Variants in FMNL2 observed in about 807,000 individuals in gnomAD.
FMNL2 encodes formin-like protein 2.
A neutral mutation model predicts 130.2 loss-of-function variants in FMNL2; 51 were observed. The ratio of observed to expected loss-of-function variants is 0.39; its 90% CI spans 0.31 to 0.49. The LOEUF is 0.49. FMNL2 is among the 20% of genes least tolerant of loss of function. FMNL2 has a pLI of 0.85. For synonymous variants in FMNL2, 465 were observed against 467.1 expected (o/e 1.00, Z 0.06); for missense variants, 977 against 1,316.2 (o/e 0.74, Z 3.99).
intron 11 of FMNL2, among the ~76,000 whole-genome samples, chr2:152,613,292 A>C (rs191852742): frequency 6.6e-6 from 1 of 152,274 alleles, no homozygotes; most frequent in East Asian, 1.9e-4. Flanking sequence ...TGGATGTATA[A>C]ATTCCTAGCG....
intron 1 of FMNL2, among the ~76,000 whole-genome samples, chr2:152,391,821 T>C (rs1030879335): frequency 2.8e-4 from 30 of 106,586 alleles, no homozygotes; most frequent in African/African-American, 8.4e-4. Flanking sequence ...TATATGTTCT[T>C]AATGAAATAA....
chr2:152,344,632 A>G (rs1162749157), intron 1 of FMNL2, among the ~76,000 whole-genome samples: 1 of 152,212 alleles, frequency 6.6e-6, no homozygotes, highest in Non-Finnish European at 1.5e-5. Flanking sequence ...TTCTATACAT[A>G]TGGTGTAAGA....
intron 1 of FMNL2, among the ~76,000 whole-genome samples, chr2:152,468,488 T>A (rs1035067123): frequency 6.6e-6 from 1 of 152,202 alleles, no homozygotes; most frequent in Non-Finnish European, 1.5e-5. Flanking sequence ...TTATGAAATC[T>A]AAACATAAGT....
intron 1 of FMNL2, among the ~76,000 whole-genome samples, chr2:152,486,595 A>G (rs913213927): frequency 1.3e-5 from 2 of 152,216 alleles, no homozygotes; most frequent in Middle Eastern, 3.2e-3. Context: ...TCAGATGTTA[A>G]GATCTTGAAA....
At chr2:152,615,184 T>C (rs1337890452) in intron 12 of FMNL2, among the ~76,000 whole-genome samples, 184 bp downstream of exon 12, 2 of 152,098 alleles carry the variant, frequency 1.3e-5, no homozygotes, top group African/African-American at 4.8e-5. Flanking sequence ...TTATGTAAAA[T>C]GAAATAGAAT....
chr2:152,442,703 T>C (rs1402207014), intron 1 of FMNL2, among the ~76,000 whole-genome samples: 1 of 152,356 alleles, frequency 6.6e-6, no homozygotes, highest in Middle Eastern at 3.4e-3. Context: ...ATAAAAGATA[T>C]CTACAAATTT....
chr2:152,409,692 T>C (rs1686179895), intron 1 of FMNL2, among the ~76,000 whole-genome samples: 1 of 152,136 alleles, frequency 6.6e-6, no homozygotes, highest in Admixed American at 6.5e-5. Flanking sequence ...GGACCCTGAT[T>C]AACGATGAAG....
chr2:152,502,885 A>G (rs1691927903), intron 1 of FMNL2, among the ~76,000 whole-genome samples: 2 of 152,024 alleles, frequency 1.3e-5, no homozygotes, highest in Non-Finnish European at 2.9e-5. Flanking sequence ...GGGGGTAAGG[A>G]GAGGGTATGG....
rs1681387344 is a variant in FMNL2, at chr2:152,622,208, T to A, written c.1837+2490T>A. ...GGAGGATGTGCTCGGATCCTCACAA[T>A]GCGAATTTGGACTTTGGTTGATTGT... On this transcript the variant is annotated intron_variant, in intron 15 of 25. Coordinates refer to ENST00000288670, the MANE Select transcript of FMNL2 (RefSeq NM_052905.4). 2.0e-5 allele frequency among the ~76,000 whole-genome samples: 3 copies of A among 152,170 alleles called. No homozygotes were observed. In the South Asian group the frequency reaches 6.2e-4, roughly 31 times the overall value.
At chr2:152,512,630 A>G (rs1019385961) in intron 1 of FMNL2, among the ~76,000 whole-genome samples, 3 of 152,206 alleles carry the variant, frequency 2.0e-5, no homozygotes, top group African/African-American at 7.2e-5. Flanking sequence ...TTTGCATTTA[A>G]AAAGGATGGC....
At chr2:152,628,170 CGTTG>C in intron 17 of FMNL2, 125 bp from the exon 18 acceptor site, 2 of 764,180 alleles carry the variant, frequency 2.6e-6, no homozygotes, top group Middle Eastern at 3.4e-4. Flanking sequence ...ATCTTAGACT[CGTTG>C]ATTTGGTGTT....
intron 1 of FMNL2, among the ~76,000 whole-genome samples, chr2:152,375,897 A>ATATATATATT: frequency 8.3e-6 from 1 of 119,906 alleles, no homozygotes; most frequent in Admixed American, 8.0e-5. Flanking sequence ...ATATATATAT[A>ATATATATATT]ATTATTATTA....
intron 9 of FMNL2, 98 bp downstream of exon 9, chr2:152,581,147 A>G: frequency 1.9e-6 from 2 of 1,046,180 alleles, no homozygotes; most frequent in East Asian, 2.4e-5. Flanking sequence ...CTAGGGCCTA[A>G]GGAATATAAT....
intron 1 of FMNL2, among the ~76,000 whole-genome samples, chr2:152,419,807 C>T (rs979766282): frequency 2.0e-5 from 3 of 151,964 alleles, no homozygotes; most frequent in Non-Finnish European, 4.4e-5. Context: ...TGTTTTGGAA[C>T]TCTGGGGGAG....
intron 1 of FMNL2, chr2:152,389,848 AC>A: frequency 9.2e-7 from 1 of 1,092,446 alleles, no homozygotes; most frequent in East Asian, 2.4e-5. Context: ...TATCATACAG[AC>A]TTTCAGCCAC....
chr2:152,390,321 G>A, intron 1 of FMNL2: 1 of 1,226,020 alleles, frequency 8.2e-7, no homozygotes, highest in South Asian at 1.2e-5. Context: ...CGAAGTGAAG[G>A]TAGGGGAGAG....
intron 1 of FMNL2, among the ~76,000 whole-genome samples, chr2:152,357,080 C>G (rs1279546783): frequency 9.7e-6 from 1 of 102,668 alleles, no homozygotes; most frequent in Non-Finnish European, 1.9e-5. Flanking sequence ...TAATATATCA[C>G]GATAAATATT....
At position 152,411,154 on chromosome 2, in the gene FMNL2, G is replaced by A. The variant is rs114154297; in HGVS notation, c.117+75434G>A. ...TTTTCACTTCCTTTCCTAAGGGATA[G>A]TCAGCTAAATATGCTGTCCTGAGAG... is the stretch of plus-strand genomic sequence containing the variant. On this transcript the variant is annotated intron_variant, in intron 1 of 25. Coordinates refer to ENST00000288670, the MANE Select transcript of FMNL2 (RefSeq NM_052905.4). 7.7e-3 allele frequency among the ~76,000 whole-genome samples: 1,170 copies of A among 152,278 alleles called. 21 individuals are homozygous for A. Among genetic ancestry groups the A allele is most frequent in the African/African-American group, 0.026 (1,100 of 41,554 alleles).
At chr2:152,590,008 TACATATAC>T (rs1370298415) in intron 9 of FMNL2, among the ~76,000 whole-genome samples, 10 of 86,824 alleles carry the variant, frequency 1.2e-4, no homozygotes, top group South Asian at 3.6e-4. Flanking sequence ...TATATATATA[TACATATAC>T]ATATATATAT....
Sources: allele counts gnomAD v4.1 joint callset (sites outside exome capture counted in the v4.1 genomes callset), GRCh38; gene constraint gnomAD v4.1.1; transcripts MANE v1.5; gene names NCBI Gene and HGNC (gene_info 2026-07-23, HGNC 2026-07-21).